The following SPATA21 variants were observed in gnomAD, a reference collection of about 807,000 sequenced individuals.
SPATA21 encodes spermatogenesis associated 21, also known as spermatogenesis-associated protein 21.
A neutral mutation model predicts 54.8 loss-of-function variants in SPATA21; 47 were observed. That is an observed-to-expected ratio of 0.86 (90% confidence interval 0.68 to 1.09). The LOEUF (loss-of-function observed/expected upper bound fraction) is 1.09, where lower values mean the gene tolerates loss of function less well. Ranked by LOEUF, SPATA21 falls within the 50% of genes least tolerant of loss-of-function variation. The pLI is 0.00. For missense variants in SPATA21, 599 were observed against 596.4 expected (o/e 1.00, Z -0.05); for synonymous variants, 245 against 235.3 (o/e 1.04, Z -0.38).
intron 5 of SPATA21, 146 bp from the exon 6 acceptor site, chr1:16,410,189 C>T (rs1570132923): frequency 4.7e-6 from 3 of 638,894 alleles, no homozygotes; most frequent in Non-Finnish European, 2.6e-6. Flanking sequence ...CTCACATGCA[C>T]CCCACTGTGC....
chr1:16,408,841 G>A (rs1027649012), intron 7 of SPATA21: 1 of 296,274 alleles, frequency 3.4e-6, no homozygotes, highest in Admixed American at 5.0e-5. Flanking sequence ...CTGCACTCCA[G>A]CCTGGGTGAC....
chr1:16,425,878 A>G (rs1443354673), intron 3 of SPATA21: 2 of 662,318 alleles, frequency 3.0e-6, no homozygotes, highest in Non-Finnish European at 5.0e-6. Context: ...AATCATAGAC[A>G]CTTTGATGTC....
intron 3 of SPATA21, among the ~76,000 whole-genome samples, chr1:16,429,793 G>A (rs757048025): frequency 4.6e-5 from 7 of 151,334 alleles, no homozygotes; most frequent in Non-Finnish European, 8.8e-5. Context: ...TTTAAATGGT[G>A]ATATCTTTGG....
chr1:16,401,062 G>T (rs1237159013), intron 10 of SPATA21, among the ~76,000 whole-genome samples, 170 bp from the exon 11 acceptor site: 1 of 152,186 alleles, frequency 6.6e-6, no homozygotes, highest in Non-Finnish European at 1.5e-5. Context: ...GCAAGTCACT[G>T]CCCTGCTCTG....
At chr1:16,429,262 C>T (rs1279068254) in intron 3 of SPATA21, among the ~76,000 whole-genome samples, 4 of 151,880 alleles carry the variant, frequency 2.6e-5, no homozygotes, top group Non-Finnish European at 4.4e-5. Flanking sequence ...CTCTGCCTCC[C>T]TAAGAGCTGG....
chr1:16,407,957 G>A (rs2085700507), intron 7 of SPATA21, among the ~76,000 whole-genome samples: 1 of 152,016 alleles, frequency 6.6e-6, no homozygotes, highest in South Asian at 2.1e-4. Flanking sequence ...GTAGATGTGG[G>A]GGTCTTACTA....
chr1:16,399,647 A>G (rs2085382972), intron 11 of SPATA21, 126 bp from the exon 12 acceptor site: 6 of 1,078,014 alleles, frequency 5.6e-6, no homozygotes, highest in Non-Finnish European at 6.5e-6. Context: ...AAGTCACTTA[A>G]CCTCTCTAAG....
chr1:16,425,481 G>T, intron 3 of SPATA21: 8 of 1,536,800 alleles, frequency 5.2e-6, no homozygotes, highest in Non-Finnish European at 7.0e-6. Flanking sequence ...CCTCCTCTGT[G>T]GTAGGTCATT....
intron 10 of SPATA21, among the ~76,000 whole-genome samples, chr1:16,402,491 G>A (rs1296295290): frequency 6.6e-6 from 1 of 151,382 alleles, no homozygotes; most frequent in Non-Finnish European, 1.5e-5. Context: ...TCGATCTCCT[G>A]ACCTTGTGAT....
At chr1:16,430,336 G>A (rs1026045609) in intron 3 of SPATA21, among the ~76,000 whole-genome samples, 11 of 152,134 alleles carry the variant, frequency 7.2e-5, no homozygotes, top group Admixed American at 4.6e-4. Flanking sequence ...AGGAGGCTGA[G>A]GCAGGAGGAT....
chr1:16,398,180 C>T (rs1322019549), downstream of SPATA21: 1 of 218,876 alleles, frequency 4.6e-6, no homozygotes, highest in Non-Finnish European at 7.8e-6. Flanking sequence ...TGCCCTCTAC[C>T]TCTTGCTGTG....
At chr1:16,425,706 G>A (rs1256477165) in intron 3 of SPATA21, 1 of 1,549,606 alleles carries the variant, frequency 6.5e-7, no homozygotes, top group South Asian at 1.2e-5. Context: ...GACCCTTCCT[G>A]GGGGACCCAA....
rs766271113 is a variant in SPATA21, at chr1:16,410,067, G to A, written c.145-24C>T. ...TCCTGGGGACAGGGGAGGGGATCCA[G>A]GAGGCCTCTAGTGGGCCAGAGTGTC... On this transcript the variant is annotated intron_variant, in intron 5 of 12. Coordinates refer to ENST00000335496, the MANE Select transcript of SPATA21 (RefSeq NM_198546.1). 4.6e-6 allele frequency: 7 copies of A among 1,521,910 alleles called. No homozygotes were observed. The African/African-American group carries it at 9.8e-5, about 21-fold the overall frequency. 94.3% of individuals were successfully genotyped at this position (1,521,910 alleles called of 1,614,324 possible).
chr1:16,422,495 T>TTG (rs1239541435), intron 3 of SPATA21, among the ~76,000 whole-genome samples: 19 of 143,080 alleles, frequency 1.3e-4, no homozygotes, highest in African/African-American at 4.5e-4. Context: ...GGGTTTTCCT[T>TTG]TGTGTGTGTG....
intron 10 of SPATA21, among the ~76,000 whole-genome samples, chr1:16,402,150 G>GCAA (rs1208968645): frequency 1.3e-5 from 2 of 151,488 alleles, no homozygotes; most frequent in African/African-American, 4.8e-5. Flanking sequence ...ACCCAGAAGT[G>GCAA]TCGGGGAGTT....
chr1:16,398,807 G>A lies in SPATA21; in HGVS notation c.1368C>T (p.Asp456=), dbSNP rs1311160126. 2 of 1,613,366 alleles carry A rather than the reference G, an allele frequency of 1.2e-6. No individual in the cohort carries two copies. The highest frequency in any genetic ancestry group is 1.1e-5 in the South Asian group (1 of 91,038). Residue 456 remains aspartate, a synonymous_variant, in exon 13 of 13, where the codon GAC becomes GAT. Transcript: ENST00000335496. ...GSQGNREHNS[D]SRKWLSSVPA... ...GCACAGAGCTGAGCCACTTTCTGCT[G>A]TCAGAGTTGTGTTCCCTGGGGAGAG...
In SPATA21 at chr1:16,403,816, G is replaced by A. The variant is rs112651434; in HGVS notation, c.912C>T (p.Pro304=). The part of the protein sequence containing the change: ...VEQNALSDMA[P]HNPHTLLFEI... The stretch of plus-strand genomic sequence containing the variant: ...CAAAGAGTAGAGTGTGGGGGTTGTG[G>A]GGAGCCATGTCCGACAGGGCGTTCT... Residue 304 remains proline, a synonymous_variant, in exon 10 of 13, where the codon CCC becomes CCT. Transcript: ENST00000335496. 3 of 1,611,310 alleles carry A rather than the reference G, an allele frequency of 1.9e-6. No individual in the cohort carries two copies. Among genetic ancestry groups the A allele is most frequent in the East Asian group, 2.2e-5 (1 of 44,858 alleles).
chr1:16,435,041 A>T (rs1021199603), intron 1 of SPATA21, among the ~76,000 whole-genome samples: 1 of 151,976 alleles, frequency 6.6e-6, no homozygotes, highest in Non-Finnish European at 1.5e-5. Context: ...AATATTTTGT[A>T]GATGGGAATC....
rs1158825094 is a variant in SPATA21 at position 16,409,224 on chromosome 1, A to G, written c.588-21T>C. ...CCTGCCTGCAGAGGACAGAACCCCG[A>G]CCCAGGGCAACATCCGGCCGCCCAC... On this transcript the variant is annotated intron_variant, in intron 6 of 12. Coordinates refer to ENST00000335496, the MANE Select transcript of SPATA21 (RefSeq NM_198546.1). The surrounding 1 kb of genome is among the most constrained non-coding windows in gnomAD (Gnocchi z 4.1). 1.2e-6 allele frequency: 2 copies of G among 1,613,454 alleles called. No individual in the cohort carries two copies. The highest frequency in any genetic ancestry group is 1.7e-6 in the Non-Finnish European group (2 of 1,179,834).
Sources: allele counts gnomAD v4.1 joint callset (sites outside exome capture counted in the v4.1 genomes callset), GRCh38; gene constraint gnomAD v4.1.1; non-coding constraint Gnocchi (gnomAD v3.1); transcripts MANE v1.5; gene names NCBI Gene and HGNC (gene_info 2026-07-23, HGNC 2026-07-21).